The following TMEM272 variants were observed in gnomAD, a reference collection of about 807,000 sequenced individuals.
TMEM272 encodes long intergenic non-protein coding RNA 282.
Under a neutral mutation model 3.7 loss-of-function variants are expected in TMEM272, and 8 were observed. The observed-to-expected ratio is 2.17, with a 90% CI of 1.27 to 3.91. The LOEUF (loss-of-function observed/expected upper bound fraction) is 3.91. Ranked by LOEUF, TMEM272 falls within the 30% of genes most tolerant of loss-of-function variation. The pLI, the probability that TMEM272 is intolerant of heterozygous loss-of-function variation, is 0.00. For synonymous variants in TMEM272, 63 were observed against 39.8 expected, an observed-to-expected ratio of 1.58 and a Z score of -2.20; for missense variants, 166 against 91.5, an observed-to-expected ratio of 1.81 and a Z score of -3.32.
intron 2 of TMEM272, among the ~76,000 whole-genome samples, chr13:51,830,376 C>T (rs1028936112): frequency 2.0e-5 from 3 of 152,232 alleles, no homozygotes; most frequent in African/African-American, 7.2e-5. Flanking sequence ...TCACCACCTG[C>T]AGCCATGCAA....
the TMEM272 span, among the ~76,000 whole-genome samples, chr13:51,901,401 G>C: frequency 6.6e-6 from 1 of 152,046 alleles, no homozygotes; most frequent in African/African-American, 2.4e-5. Context: ...CTGCTAGAGG[G>C]GTGGCGCCCG....
chr13:51,830,083 T>C (rs2139568402), intron 2 of TMEM272, among the ~76,000 whole-genome samples: 1 of 152,376 alleles, frequency 6.6e-6, no homozygotes, highest in South Asian at 2.1e-4. Context: ...TTTCTGCAAT[T>C]ACCTCTCTTT....
chr13:51,878,580 T>C, the TMEM272 span, among the ~76,000 whole-genome samples: 1 of 152,158 alleles, frequency 6.6e-6, no homozygotes, highest in African/African-American at 2.4e-5. Flanking sequence ...CAGATTACAA[T>C]TCAAGATGAG....
At chr13:51,918,088 T>C in the TMEM272 span, among the ~76,000 whole-genome samples, 1 of 152,234 alleles carries the variant, frequency 6.6e-6, no homozygotes, top group Non-Finnish European at 1.5e-5. Flanking sequence ...GCCTCATCCC[T>C]GCATGCTCAA....
the TMEM272 span, among the ~76,000 whole-genome samples, chr13:51,900,189 T>C: frequency 6.6e-5 from 10 of 152,138 alleles, no homozygotes; most frequent in Non-Finnish European, 1.2e-4. Context: ...AAGCACATAA[T>C]CAAGAAAGTG....
At chr13:51,841,399 G>A (rs537601841) in intron 1 of TMEM272, among the ~76,000 whole-genome samples, 3 of 152,292 alleles carry the variant, frequency 2.0e-5, no homozygotes, top group East Asian at 1.9e-4. Context: ...TGTGTTGAAC[G>A]GTTTCTATCA....
At chr13:51,907,973 T>G in the TMEM272 span, among the ~76,000 whole-genome samples, 2 of 152,176 alleles carry the variant, frequency 1.3e-5, no homozygotes, top group African/African-American at 4.8e-5. Context: ...CCCACTACTG[T>G]TTAGATAATA....
chr13:51,859,362 AG>A, the TMEM272 span, among the ~76,000 whole-genome samples: 4 of 152,080 alleles, frequency 2.6e-5, no homozygotes. Flanking sequence ...CACATGGCTG[AG>A]AAAGACCTGA....
chr13:51,932,827 C>T, the TMEM272 span: 7 of 152,070 alleles, frequency 4.6e-5, no homozygotes, highest in Admixed American at 1.3e-4. Flanking sequence ...ATGAACACAA[C>T]GTTTATGGTC....
the TMEM272 span, among the ~76,000 whole-genome samples, chr13:51,863,218 T>C: frequency 0.11 from 16,724 of 152,212 alleles, 2,606 homozygotes; most frequent in African/African-American, 0.35. Flanking sequence ...TGGAGTTGGG[T>C]GCAGGCTGGG....
intron 3 of TMEM272, among the ~76,000 whole-genome samples, chr13:51,825,324 AT>A (rs1301760063): frequency 6.6e-6 from 1 of 152,090 alleles, no homozygotes; most frequent in Admixed American, 6.5e-5. Flanking sequence ...TTTTGTTTCC[AT>A]TTTTAGTATT....
intron 3 of TMEM272, 131 bp downstream of exon 3, chr13:51,826,435 T>C (rs1420168832): frequency 1.7e-5 from 11 of 639,318 alleles, no homozygotes; most frequent in Admixed American, 2.4e-5. Flanking sequence ...AGATGGCACA[T>C]AGGTGTCTGG....
the TMEM272 span, among the ~76,000 whole-genome samples, chr13:51,924,041 A>G: frequency 6.6e-6 from 1 of 152,324 alleles, no homozygotes; most frequent in South Asian, 2.1e-4. Flanking sequence ...TGGGTAAAGA[A>G]GAGGAGGAAC....
At chr13:51,910,113 G>T in the TMEM272 span, 4 of 1,051,618 alleles carry the variant, frequency 3.8e-6, no homozygotes, top group Admixed American at 5.1e-5. Context: ...TATCTTTTTG[G>T]AAATATCTGC....
At chr13:51,927,638 G>A in the TMEM272 span, among the ~76,000 whole-genome samples, 219 of 152,226 alleles carry the variant, frequency 1.4e-3, no homozygotes, top group African/African-American at 5.0e-3. Flanking sequence ...TTGTTCACTA[G>A]CACCCTTTAC....
chr13:51,886,115 G>A, the TMEM272 span, among the ~76,000 whole-genome samples: 6 of 152,156 alleles, frequency 3.9e-5, no homozygotes, highest in Admixed American at 1.3e-4. Context: ...ATTTGTGTAC[G>A]AATTTTACCC....
intron 2 of TMEM272, among the ~76,000 whole-genome samples, chr13:51,834,897 G>C (rs927062529): frequency 6.6e-6 from 1 of 152,234 alleles, no homozygotes; most frequent in South Asian, 2.1e-4. Flanking sequence ...GGATGAAAGC[G>C]ATCCTCCAGG....
chr13:51,863,156 C>T, the TMEM272 span, among the ~76,000 whole-genome samples: 1 of 152,220 alleles, frequency 6.6e-6, no homozygotes, highest in Non-Finnish European at 1.5e-5. Flanking sequence ...CAGGAAACTG[C>T]AGGCAGAGTG....
At chr13:51,829,691 G>A (rs1479344473) in intron 2 of TMEM272, among the ~76,000 whole-genome samples, 1 of 152,158 alleles carries the variant, frequency 6.6e-6, no homozygotes, top group African/African-American at 2.4e-5. Flanking sequence ...GGCAGATGGT[G>A]CCACCTGGCC....
Sources: gnomAD v4.1 joint callset for allele counts (sites outside exome capture counted in the v4.1 genomes callset) on GRCh38, gnomAD v4.1.1 for gene constraint, MANE v1.5 for transcripts, NCBI Gene and HGNC (gene_info 2026-07-23, HGNC 2026-07-21) for gene names.